Variants in PCDHGA1 observed in about 807,000 individuals in gnomAD.
PCDHGA1 encodes protocadherin gamma subfamily A, 1, also known as protocadherin gamma-A1.
In PCDHGA1, 32 loss-of-function variants were observed where a neutral mutation model predicts 58.0. The ratio of observed to expected loss-of-function variants is 0.55; its 90% CI spans 0.42 to 0.74. The LOEUF (loss-of-function observed/expected upper bound fraction) is 0.74, where lower values mean the gene tolerates loss of function less well. PCDHGA1 is among the 30% of genes least tolerant of loss of function. The pLI is 0.00. For missense variants in PCDHGA1, 1,205 were observed against 1,182.3 expected, an observed-to-expected ratio of 1.02 and a Z score of -0.28; for synonymous variants, 498 against 501.1, an observed-to-expected ratio of 0.99 and a Z score of 0.08.
At chr5:141,361,190 T>C (rs1390413762) in intron 1 of PCDHGA1, 1 of 1,613,846 alleles carries the variant, frequency 6.2e-7, no homozygotes, top group Admixed American at 1.7e-5. Flanking sequence ...GTGACTTCAG[T>C]ATCTACTCCC....
intron 2 of PCDHGA1, among the ~76,000 whole-genome samples, chr5:141,497,332 A>G (rs537994715): frequency 6.6e-6 from 1 of 152,024 alleles, no homozygotes; most frequent in Non-Finnish European, 1.5e-5. Context: ...AGAATTCACC[A>G]TTGAACCTGG....
chr5:141,347,052 CTCCT>C (rs751921344), intron 1 of PCDHGA1, among the ~76,000 whole-genome samples: 5,595 of 140,234 alleles, frequency 0.04, 232 homozygotes, highest in African/African-American at 0.09. Flanking sequence ...TCTCTCTTTC[CTCCT>C]TCCTTCCTTC....
At chr5:141,417,304 AG>A (rs1315238937) in intron 1 of PCDHGA1, 1 of 152,318 alleles carries the variant, frequency 6.6e-6, no homozygotes, top group East Asian at 1.9e-4. Context: ...CTCTGGATGG[AG>A]GAATTGGATA....
chr5:141,432,586 C>G lies in PCDHGA1; in HGVS notation c.2422-62221C>G. 6.2e-7 allele frequency: 1 copy of G among 1,613,852 alleles called. No homozygotes were observed. The highest frequency in any genetic ancestry group is 8.5e-7 in the Non-Finnish European group (1 of 1,179,972). On this transcript the variant is annotated intron_variant, in intron 1 of 3. Transcript: ENST00000517417. The surrounding 1 kb of genome is among the most constrained non-coding windows in gnomAD (Gnocchi z 6.0). ...ACGCCTGGCTGTCCTACCGTCTGCT[C>G]AAGGCCAGCGAGCCGGGACTCTTCT...
intron 1 of PCDHGA1, chr5:141,361,431 C>A: frequency 4.3e-6 from 7 of 1,614,054 alleles, no homozygotes; most frequent in Non-Finnish European, 5.9e-6. Context: ...AGCCGCCCCT[C>A]TCCTCCAGCA....
intron 1 of PCDHGA1, chr5:141,428,862 T>TC (rs1345604550): frequency 2.7e-5 from 2 of 74,856 alleles, no homozygotes; most frequent in African/African-American, 2.0e-4. Flanking sequence ...ACGGGAGACT[T>TC]TTTTTTTTTT....
chr5:141,408,540 C>A (rs201370009), intron 1 of PCDHGA1: 1 of 1,614,046 alleles, frequency 6.2e-7, no homozygotes. Flanking sequence ...GTGGAAAATC[C>A]TTTAAATATT....
At chr5:141,384,862 T>A in intron 1 of PCDHGA1, 1 of 1,613,686 alleles carries the variant, frequency 6.2e-7, no homozygotes, top group Non-Finnish European at 8.5e-7. Context: ...GCCTCCTCTG[T>A]CAGCCACCGT....
rs2099687715 is a variant in PCDHGA1, at chr5:141,489,479, T to G, written c.2422-5328T>G. 1.2e-6 allele frequency: 2 copies of G among 1,614,090 alleles called. No individual in the cohort carries two copies. The highest frequency in any genetic ancestry group is 1.7e-6 in the Non-Finnish European group (2 of 1,180,010). ...GGGCGCTATTTTTCCCTGAGCTTGATGAGTGGTGCCCTGGCAGTGAATCAA... is the reference window on the plus strand; with the variant it reads ...GGGCGCTATTTTTCCCTGAGCTTGAGGAGTGGTGCCCTGGCAGTGAATCAA... On this transcript the variant is annotated intron_variant, in intron 1 of 3. Transcript: ENST00000517417. This position sits in a 1 kb window ranked among gnomAD's most constrained non-coding sequence, Gnocchi z 4.5.
At position 141,331,075 on chromosome 5, in the gene PCDHGA1, C is replaced by A. The variant is rs1458093818; in HGVS notation, c.391C>A (p.Pro131Thr). The A allele has an allele frequency of 6.2e-7, 1 of 1,614,086 alleles. No individual in the cohort carries two copies. The highest frequency in any genetic ancestry group is 1.3e-5 in the African/African-American group (1 of 75,028). Reference sequence around the variant, plus strand: ...AATAATTGATATTAATGACAACACTCCCCAATTCCAGTTAGAGGAACTGGA... The same window carrying A: ...AATAATTGATATTAATGACAACACTACCCAATTCCAGTTAGAGGAACTGGA... ...VEIIDINDNT[P>T]QFQLEELEFK... The change falls in exon 1 of 4, where the codon CCC becomes ACC. Residue 131 changes from proline (P) to threonine (T), a missense_variant. Pro to Thr is a conservative substitution (Grantham distance 38). Transcript: ENST00000517417.
intron 1 of PCDHGA1, among the ~76,000 whole-genome samples, chr5:141,459,249 A>G (rs901058693): frequency 6.6e-6 from 1 of 152,218 alleles, no homozygotes; most frequent in Non-Finnish European, 1.5e-5. Flanking sequence ...TCCTGTCACT[A>G]TAAATTAGTG....
chr5:141,500,036 T>C (rs1001193977), intron 2 of PCDHGA1, among the ~76,000 whole-genome samples: 8 of 152,176 alleles, frequency 5.3e-5, no homozygotes, highest in African/African-American at 1.9e-4. Flanking sequence ...TGAGTGTCTC[T>C]TAAGTATCTT....
intron 1 of PCDHGA1, chr5:141,394,892 C>T (rs267600457): frequency 4.5e-4 from 723 of 1,613,752 alleles, no homozygotes; most frequent in Non-Finnish European, 5.8e-4. Context: ...CACTCTATCT[C>T]GTGGTGGCAG....
rs755169934 is a variant in PCDHGA1 at position 141,384,350 on chromosome 5, A to T, written c.2421+51245A>T. On this transcript the variant is annotated intron_variant, in intron 1 of 3. Coordinates refer to ENST00000517417, the MANE Select transcript of PCDHGA1 (RefSeq NM_018912.3). Reference sequence around the variant, plus strand: ...GCACAGGACCACGACAGTGAGGATAATGCCCAGATCACTTATTCCTTGGCC... The same window carrying T: ...GCACAGGACCACGACAGTGAGGATATTGCCCAGATCACTTATTCCTTGGCC... The T allele has an allele frequency of 1.9e-6, 3 of 1,613,690 alleles. No homozygotes were observed. In the African/African-American group the frequency reaches 4.0e-5, roughly 22 times the overall value.
At chr5:141,422,013 G>A (rs755656791) in intron 1 of PCDHGA1, 1 of 1,610,536 alleles carries the variant, frequency 6.2e-7, no homozygotes. Context: ...GAACTCGGGT[G>A]CTGATGGTTA....
intron 1 of PCDHGA1, among the ~76,000 whole-genome samples, chr5:141,460,070 T>C (rs547558436): frequency 2.0e-5 from 3 of 152,202 alleles, no homozygotes; most frequent in South Asian, 2.1e-4. Flanking sequence ...AGAGTGAGAC[T>C]TCATCTAAAA....
rs372018713 is a variant in PCDHGA1, at chr5:141,418,097, C to G, written c.2422-76710C>G. ...GAAGCTGCACTTCAGCGTAGACGCG[C>G]AGAGCGGGGACTTACTTGTGAAGGA... On this transcript the variant is annotated intron_variant, in intron 1 of 3. Coordinates refer to ENST00000517417, the MANE Select transcript of PCDHGA1 (RefSeq NM_018912.3). The G allele has an allele frequency of 5.7e-4, 921 of 1,613,980 alleles. 9 individuals are homozygous for G. The South Asian group carries it at 6.8e-3, about 12-fold the overall frequency.
At chr5:141,345,206 A>G (rs752389107) in intron 1 of PCDHGA1, 4 of 1,613,874 alleles carry the variant, frequency 2.5e-6, no homozygotes, top group Admixed American at 3.3e-5. Context: ...GAAATCTGCC[A>G]TTTAAGTTAG....
chr5:141,395,016 G>T, intron 1 of PCDHGA1: 1 of 1,614,068 alleles, frequency 6.2e-7, no homozygotes, highest in Admixed American at 1.7e-5. Flanking sequence ...ATTGGTAGGC[G>T]TGCCTGCCTC....
Sources: allele counts gnomAD v4.1 joint callset (sites outside exome capture counted in the v4.1 genomes callset), GRCh38; gene constraint gnomAD v4.1.1; non-coding constraint Gnocchi (gnomAD v3.1); transcripts MANE v1.5; gene names NCBI Gene and HGNC (gene_info 2026-07-23, HGNC 2026-07-21).